Variants in PHF20 observed in about 807,000 individuals in gnomAD.
The protein encoded by PHF20 is glioma-expressed antigen 2.
In PHF20, 23 loss-of-function variants were observed where a neutral mutation model predicts 113.5. That is an observed-to-expected ratio of 0.20 (90% CI 0.15 to 0.29). The LOEUF (loss-of-function observed/expected upper bound fraction) is 0.29. Among genes scored for constraint, PHF20 ranks in the 10% least tolerant of loss-of-function variants. The pLI is 1.00. For synonymous variants in PHF20, 434 were observed against 457.3 expected, an observed-to-expected ratio of 0.95 and a Z score of 0.65; for missense variants, 943 against 1,219.6, an observed-to-expected ratio of 0.77 and a Z score of 3.38.
chr20:35,933,813 G>A (rs1247337923), intron 15 of PHF20, among the ~76,000 whole-genome samples: 1 of 152,222 alleles, frequency 6.6e-6, no homozygotes, highest in African/African-American at 2.4e-5. Context: ...GATAACAGGC[G>A]TGGGCCACTG....
At chr20:35,944,527 A>G (rs1289810443) in intron 17 of PHF20, among the ~76,000 whole-genome samples, 4 of 152,128 alleles carry the variant, frequency 2.6e-5, no homozygotes, top group Non-Finnish European at 2.9e-5. Flanking sequence ...TGTTGGAGTG[A>G]CCCATCCAGT....
intron 1 of PHF20, among the ~76,000 whole-genome samples, chr20:35,784,841 A>C (rs2041376752): frequency 6.6e-6 from 1 of 152,060 alleles, no homozygotes; most frequent in African/African-American, 2.4e-5. Context: ...ACTTGAGCTG[A>C]GGAGTTCGAG....
chr20:35,819,190 CA>C (rs1276671917), intron 2 of PHF20, among the ~76,000 whole-genome samples: 2 of 152,174 alleles, frequency 1.3e-5, no homozygotes, highest in African/African-American at 4.8e-5. Context: ...CTCAGCCTCC[CA>C]AAGTGCTGGG....
intron 2 of PHF20, among the ~76,000 whole-genome samples, chr20:35,807,737 A>G (rs1338946249): frequency 2.0e-5 from 3 of 152,200 alleles, no homozygotes; most frequent in Admixed American, 6.6e-5. Flanking sequence ...TGGATTTTAT[A>G]TAGTTTGAAA....
At chr20:35,932,504 C>A (rs1471416824) in intron 15 of PHF20, among the ~76,000 whole-genome samples, 1 of 141,398 alleles carries the variant, frequency 7.1e-6, no homozygotes, top group East Asian at 2.1e-4. Context: ...GATCTCGGCT[C>A]ACTGCAACTT....
intron 6 of PHF20, among the ~76,000 whole-genome samples, chr20:35,867,068 G>A (rs1395907879): frequency 6.6e-6 from 1 of 152,134 alleles, no homozygotes; most frequent in Non-Finnish European, 1.5e-5. Flanking sequence ...GTTCTGTACA[G>A]TCAGCTCCTA....
At chr20:35,803,741 A>G (rs1443037614) in intron 2 of PHF20, among the ~76,000 whole-genome samples, 1 of 149,778 alleles carries the variant, frequency 6.7e-6, no homozygotes, top group African/African-American at 2.4e-5. Context: ...TATATATATT[A>G]TATATTGTAT....
intron 1 of PHF20, among the ~76,000 whole-genome samples, chr20:35,781,464 A>G (rs2041294774): frequency 6.6e-6 from 1 of 152,204 alleles, no homozygotes; most frequent in South Asian, 2.1e-4. Flanking sequence ...GTAGAAGCCC[A>G]GTTCTCCCAA....
At chr20:35,812,999 C>T (rs2042003697) in intron 2 of PHF20, among the ~76,000 whole-genome samples, 1 of 152,308 alleles carries the variant, frequency 6.6e-6, no homozygotes, top group South Asian at 2.1e-4. Flanking sequence ...TACAGAGTCT[C>T]CCTCTGTCGC....
chr20:35,935,497 G>T (rs1193899528), intron 15 of PHF20, among the ~76,000 whole-genome samples: 1 of 152,220 alleles, frequency 6.6e-6, no homozygotes, highest in African/African-American at 2.4e-5. Context: ...CTCCCCAGTA[G>T]CTGGGATTGC....
intron 9 of PHF20, among the ~76,000 whole-genome samples, chr20:35,876,998 T>C (rs899919793): frequency 6.6e-6 from 1 of 150,854 alleles, no homozygotes; most frequent in African/African-American, 2.4e-5. Context: ...TCCCAGCTAC[T>C]TGGGAGGCTG....
chr20:35,812,323 A>G (rs1415437226), intron 2 of PHF20, among the ~76,000 whole-genome samples: 2 of 152,132 alleles, frequency 1.3e-5, no homozygotes, highest in East Asian at 1.9e-4. Context: ...CTTTGATTCC[A>G]TGATAATCTT....
chr20:35,778,689 G>A (rs1374467427), intron 1 of PHF20, among the ~76,000 whole-genome samples: 1 of 150,992 alleles, frequency 6.6e-6, no homozygotes, highest in Non-Finnish European at 1.5e-5. Flanking sequence ...AGAGGCAGAG[G>A]TTGCAGTGAG....
chr20:35,776,596 T>A (rs891334598), intron 1 of PHF20, among the ~76,000 whole-genome samples: 1 of 152,202 alleles, frequency 6.6e-6, no homozygotes, highest in African/African-American at 2.4e-5. Flanking sequence ...TCTGTACCTA[T>A]TTCCCTGGCT....
chr20:35,923,410 G>A (rs2055557667), intron 13 of PHF20, among the ~76,000 whole-genome samples: 1 of 152,182 alleles, frequency 6.6e-6, no homozygotes. Flanking sequence ...AAACCAGCTT[G>A]GGCAACATAG....
chr20:35,809,743 T>C (rs982368305), intron 2 of PHF20, among the ~76,000 whole-genome samples: 7 of 148,958 alleles, frequency 4.7e-5, no homozygotes, highest in African/African-American at 4.9e-5. Flanking sequence ...ATTCTGGGCA[T>C]GGTGGTACAT....
chr20:35,809,469 C>T (rs1042106564), intron 2 of PHF20, among the ~76,000 whole-genome samples: 4 of 151,558 alleles, frequency 2.6e-5, no homozygotes, highest in Non-Finnish European at 5.9e-5. Flanking sequence ...GTCCAAGCTA[C>T]TTGGGAGGCT....
chr20:35,840,006 G>T (rs993468324), intron 2 of PHF20, among the ~76,000 whole-genome samples: 1 of 152,182 alleles, frequency 6.6e-6, no homozygotes, highest in South Asian at 2.1e-4. Flanking sequence ...CTTAGAGGGT[G>T]CTAGTGTGGG....
At chr20:35,857,562 C>CTTTTTTTTTTTTTTTTTTT (rs56655276) in intron 4 of PHF20, among the ~76,000 whole-genome samples, 22 of 99,674 alleles carry the variant, frequency 2.2e-4, no homozygotes, top group African/African-American at 3.7e-4. Flanking sequence ...AATGATGTTC[C>CTTTTTTTTTTTTTTTTTTT]TTTTTTTTTT....
Sources: allele counts gnomAD v4.1 joint callset (sites outside exome capture counted in the v4.1 genomes callset), GRCh38; gene constraint gnomAD v4.1.1; transcripts MANE v1.5; gene names NCBI Gene and HGNC (gene_info 2026-07-23, HGNC 2026-07-21).